GPM6A: variants seen among roughly 807,000 people sequenced by gnomAD.
GPM6A encodes the protein glycoprotein M6A, also known as neuronal membrane glycoprotein M6-a.
In GPM6A, 7 loss-of-function variants were observed where a neutral mutation model predicts 32.1. The ratio of observed to expected loss-of-function variants is 0.22; its 90% CI spans 0.12 to 0.41. The LOEUF is 0.41. GPM6A is among the 10% of genes least tolerant of loss of function. The pLI, the probability that GPM6A is intolerant of heterozygous loss-of-function variation, is 1.00. For missense variants in GPM6A, 235 were observed against 347.2 expected (o/e 0.68, Z 2.57); for synonymous variants, 130 against 123.4 (o/e 1.05, Z -0.35).
chr4:175,951,881 A>T (rs2126376392), intron 1 of GPM6A, among the ~76,000 whole-genome samples: 1 of 152,358 alleles, frequency 6.6e-6, no homozygotes, highest in South Asian at 2.1e-4. Flanking sequence ...AATAGAAAAA[A>T]AAAGACCAGC....
intron 1 of GPM6A, among the ~76,000 whole-genome samples, chr4:175,840,400 G>A (rs537169374): frequency 2.0e-5 from 3 of 152,280 alleles, no homozygotes; most frequent in Non-Finnish European, 2.9e-5. Flanking sequence ...AATGCAGTCC[G>A]GGTGCGGTGG....
At chr4:175,945,774 C>CTT (rs1561005911) in intron 1 of GPM6A, among the ~76,000 whole-genome samples, 82 of 150,284 alleles carry the variant, frequency 5.5e-4, no homozygotes, top group African/African-American at 1.7e-3. Context: ...GTGCATATTA[C>CTT]ATACAACTCA....
chr4:175,717,373 C>T (rs532529999), intron 1 of GPM6A, among the ~76,000 whole-genome samples: 1 of 152,264 alleles, frequency 6.6e-6, no homozygotes, highest in South Asian at 2.1e-4. Context: ...CATTGGTGGT[C>T]ATGTAGAATT....
intron 1 of GPM6A, among the ~76,000 whole-genome samples, chr4:175,884,608 T>C (rs1478260925): frequency 5.3e-5 from 8 of 152,218 alleles, no homozygotes; most frequent in African/African-American, 1.9e-4. Flanking sequence ...CTCAGCTCAC[T>C]GCAAGCTCCA....
intron 1 of GPM6A, among the ~76,000 whole-genome samples, chr4:175,863,264 C>T (rs572865681): frequency 2.0e-4 from 30 of 152,158 alleles, no homozygotes; most frequent in African/African-American, 6.5e-4. Context: ...CCCGGCAGCA[C>T]GAGATCTCTT....
intron 3 of GPM6A, among the ~76,000 whole-genome samples, chr4:175,662,988 T>C (rs1187988666): frequency 1.3e-5 from 2 of 152,066 alleles, no homozygotes; most frequent in Non-Finnish European, 2.9e-5. Context: ...GAGTAAAAAA[T>C]ATAAATTTTC....
chr4:175,875,900 G>A (rs1737069943), intron 1 of GPM6A, among the ~76,000 whole-genome samples: 1 of 152,114 alleles, frequency 6.6e-6, no homozygotes, highest in South Asian at 2.1e-4. Context: ...CCCTTTGGTA[G>A]ACTAACCCTT....
intron 1 of GPM6A, among the ~76,000 whole-genome samples, chr4:175,951,524 T>C (rs1739812266): frequency 6.6e-6 from 1 of 152,192 alleles, no homozygotes; most frequent in South Asian, 2.1e-4. Flanking sequence ...GAGGCTTCAG[T>C]GTCCTTAACT....
chr4:175,713,967 C>A (rs187189437), intron 1 of GPM6A, among the ~76,000 whole-genome samples: 20 of 151,882 alleles, frequency 1.3e-4, no homozygotes, highest in African/African-American at 4.8e-4. Flanking sequence ...GTCTTTTAGT[C>A]CTTCTGTGAA....
At chr4:175,674,112 C>A (rs1396982311) in intron 2 of GPM6A, among the ~76,000 whole-genome samples, 3 of 152,156 alleles carry the variant, frequency 2.0e-5, no homozygotes, top group Admixed American at 6.5e-5. Flanking sequence ...CTGGTTCACA[C>A]CAAAGTAAGC....
At chr4:175,637,885 T>TTATATA (rs137911086) in intron 6 of GPM6A, among the ~76,000 whole-genome samples, 14 of 122,866 alleles carry the variant, frequency 1.1e-4, no homozygotes, top group African/African-American at 4.2e-4. Context: ...TATTTATATA[T>TTATATA]TATATATATA....
chr4:175,675,184 T>C (rs1008231858), intron 2 of GPM6A, among the ~76,000 whole-genome samples: 1 of 151,530 alleles, frequency 6.6e-6, no homozygotes, highest in Non-Finnish European at 1.5e-5. Flanking sequence ...GGAATATTCA[T>C]AGTCCTAGGT....
intron 4 of GPM6A, among the ~76,000 whole-genome samples, chr4:175,643,252 A>T (rs1741259326): frequency 6.6e-6 from 1 of 152,142 alleles, no homozygotes. Flanking sequence ...TTCTATTATT[A>T]GTCAGACCAT....
intron 1 of GPM6A, among the ~76,000 whole-genome samples, chr4:175,768,058 A>G (rs1733043603): frequency 6.6e-6 from 1 of 152,214 alleles, no homozygotes; most frequent in South Asian, 2.1e-4. Context: ...AGGAGAAAAC[A>G]CAACAAAATT....
At chr4:175,914,011 G>T (rs763890905) in intron 1 of GPM6A, among the ~76,000 whole-genome samples, 2 of 152,148 alleles carry the variant, frequency 1.3e-5, no homozygotes, top group Non-Finnish European at 2.9e-5. Flanking sequence ...TTTTGCCAAG[G>T]TTGAAGGCCT....
intron 1 of GPM6A, among the ~76,000 whole-genome samples, chr4:175,993,302 CA>C (rs1446148144): frequency 2.0e-5 from 3 of 151,664 alleles, no homozygotes; most frequent in Non-Finnish European, 1.5e-5. Flanking sequence ...ACCCTTAAAA[CA>C]AAATATATTG....
At chr4:175,689,748 G>A (rs2111032793) in intron 2 of GPM6A, among the ~76,000 whole-genome samples, 1 of 152,220 alleles carries the variant, frequency 6.6e-6, no homozygotes, top group East Asian at 1.9e-4. Flanking sequence ...TCTCCCTTCG[G>A]GTCTGTCAGT....
intron 1 of GPM6A, among the ~76,000 whole-genome samples, chr4:175,800,106 G>C (rs998188876): frequency 6.6e-5 from 10 of 151,990 alleles, no homozygotes; most frequent in Non-Finnish European, 1.3e-4. Flanking sequence ...AAAAGTATAT[G>C]GATTCCAAAG....
chr4:175,855,716 G>A (rs769029747), intron 1 of GPM6A, among the ~76,000 whole-genome samples: 2 of 152,184 alleles, frequency 1.3e-5, no homozygotes, highest in African/African-American at 2.4e-5. Flanking sequence ...AAATCAGCAA[G>A]GGAAGGAGGC....
Sources: gnomAD v4.1 joint callset for allele counts (sites outside exome capture counted in the v4.1 genomes callset) on GRCh38, gnomAD v4.1.1 for gene constraint, MANE v1.5 for transcripts, NCBI Gene and HGNC (gene_info 2026-07-23, HGNC 2026-07-21) for gene names.